Variants in COL25A1 observed in about 807,000 individuals in gnomAD.
COL25A1 encodes the protein collagen type XXV alpha 1 chain.
In COL25A1, 103 loss-of-function variants were observed where a neutral mutation model predicts 128.4. That is an observed-to-expected ratio of 0.80 (90% CI 0.68 to 0.94). COL25A1 has a LOEUF of 0.94. Ranked by LOEUF, COL25A1 falls within the 40% of genes least tolerant of loss-of-function variation. The pLI is 0.00. For synonymous variants in COL25A1, 279 were observed against 277.2 expected (o/e 1.01, Z -0.06); for missense variants, 745 against 840.0 (o/e 0.89, Z 1.40).
At chr4:109,112,860 GAA>G (rs1443391835) in intron 3 of COL25A1, among the ~76,000 whole-genome samples, 15 of 152,054 alleles carry the variant, frequency 9.9e-5, no homozygotes. Context: ...TGCCAAGAAT[GAA>G]AAAGTCTGTT....
rs72897029 is a variant in COL25A1 at position 108,857,926 on chromosome 4, A to G, written c.1320+1730T>C. Among the ~76,000 whole-genome samples the G allele has an allele frequency of 9.3e-3, 1,409 of 152,280 alleles. 23 individuals are homozygous for G. Among genetic ancestry groups the G allele is most frequent in the African/African-American group, 0.032 (1,350 of 41,566 alleles). ...GTTTGATTTTAAATAGTAAACCACT[A>G]GAACCCCACCACTAATGTTTAAAAG... On this transcript the variant is annotated intron_variant, in intron 24 of 37. Coordinates refer to ENST00000399132, the MANE Select transcript of COL25A1 (RefSeq NM_198721.4).
chr4:108,911,879 A>G (rs569008373), intron 13 of COL25A1, among the ~76,000 whole-genome samples: 1 of 149,370 alleles, frequency 6.7e-6, no homozygotes, highest in East Asian at 1.9e-4. Context: ...AGCAATCCCA[A>G]TCGTTCAACT....
intron 3 of COL25A1, among the ~76,000 whole-genome samples, chr4:109,284,113 C>A (rs1723638112): frequency 6.6e-6 from 1 of 152,176 alleles, no homozygotes; most frequent in Admixed American, 6.5e-5. Flanking sequence ...TTCTTCCTTA[C>A]AACATTTGTT....
At chr4:108,911,733 G>A (rs1744244879) in intron 13 of COL25A1, among the ~76,000 whole-genome samples, 1 of 147,822 alleles carries the variant, frequency 6.8e-6, no homozygotes, top group East Asian at 2.0e-4. Flanking sequence ...AATGCAGTGT[G>A]TTTTACATTA....
intron 3 of COL25A1, among the ~76,000 whole-genome samples, chr4:109,274,144 A>G (rs536900397): frequency 1.2e-4 from 18 of 152,306 alleles, no homozygotes; most frequent in Admixed American, 1.3e-4. Context: ...ACATTGCATC[A>G]TTTTGAATTT....
chr4:109,173,874 G>A (rs887162890), intron 3 of COL25A1, among the ~76,000 whole-genome samples: 11 of 151,416 alleles, frequency 7.3e-5, no homozygotes, highest in Non-Finnish European at 1.2e-4. Context: ...TATACTTACC[G>A]GTTAAGCATC....
chr4:108,857,568 T>G (rs551833528), intron 24 of COL25A1, among the ~76,000 whole-genome samples: 1 of 139,296 alleles, frequency 7.2e-6, no homozygotes, highest in South Asian at 2.5e-4. Context: ...AAAATAGATT[T>G]AAAAAAAAAA....
At chr4:109,109,100 T>C (rs1187632733) in intron 3 of COL25A1, among the ~76,000 whole-genome samples, 2 of 152,036 alleles carry the variant, frequency 1.3e-5, no homozygotes, top group Non-Finnish European at 2.9e-5. Context: ...TTTTCCCTTC[T>C]TTCTTTCTTT....
At chr4:108,975,636 T>C (rs1006053620) in intron 6 of COL25A1, among the ~76,000 whole-genome samples, 2 of 152,220 alleles carry the variant, frequency 1.3e-5, no homozygotes, top group African/African-American at 4.8e-5. Context: ...ATCAGCGATG[T>C]ATAGAATTTC....
At chr4:108,880,265 C>T (rs1481453314) in intron 19 of COL25A1, among the ~76,000 whole-genome samples, 2 of 152,204 alleles carry the variant, frequency 1.3e-5, no homozygotes, top group Non-Finnish European at 2.9e-5. Context: ...CCCCATAACA[C>T]TGTGGTTCTT....
At chr4:109,117,375 G>A (rs903904464) in intron 3 of COL25A1, among the ~76,000 whole-genome samples, 1 of 151,910 alleles carries the variant, frequency 6.6e-6, no homozygotes. Context: ...AGTGTTGAGG[G>A]AAAAAGGACC....
At chr4:108,964,586 G>A (rs1405439117) in intron 8 of COL25A1, among the ~76,000 whole-genome samples, 3 of 151,812 alleles carry the variant, frequency 2.0e-5, no homozygotes, top group Non-Finnish European at 2.9e-5. Context: ...TATTTGATGA[G>A]CCCAGCCATT....
chr4:108,810,792 T>A lies in COL25A1; in HGVS notation c.*3135A>T, dbSNP rs1295650287. 6.6e-6 allele frequency: 1 copy of A among 152,042 alleles called. No homozygotes were observed. Among genetic ancestry groups the A allele is most frequent in the African/African-American group, 2.4e-5 (1 of 41,452 alleles). The allele number at this position is 152,042 out of a possible 1,614,324, so 9.4% of individuals were successfully genotyped here. On this transcript the variant is annotated 3_prime_UTR_variant, in exon 38 of 38. Coordinates refer to ENST00000399132, the MANE Select transcript of COL25A1 (RefSeq NM_198721.4). ...TTAAGAAAGCCTGGTCATTGGACCA[T>A]AATTATAGCAAATTCATGAACTTTA...
intron 3 of COL25A1, among the ~76,000 whole-genome samples, chr4:109,235,661 A>G (rs1779423389): frequency 6.6e-6 from 1 of 152,114 alleles, no homozygotes; most frequent in South Asian, 2.1e-4. Flanking sequence ...ATGAGCAGAT[A>G]CTTCTGTGGC....
intron 3 of COL25A1, among the ~76,000 whole-genome samples, chr4:109,225,416 T>C (rs1279689430): frequency 6.6e-6 from 1 of 152,084 alleles, no homozygotes; most frequent in Non-Finnish European, 1.5e-5. Flanking sequence ...ACCATCTTAC[T>C]CCAGTCAGAA....
intron 6 of COL25A1, among the ~76,000 whole-genome samples, chr4:109,006,795 G>T (rs1756054600): frequency 6.6e-6 from 1 of 152,068 alleles, no homozygotes; most frequent in African/African-American, 2.4e-5. Context: ...GTGGTTGAAA[G>T]CCTATTTAAG....
At chr4:109,079,452 T>G (rs930586061) in intron 3 of COL25A1, among the ~76,000 whole-genome samples, 1 of 152,200 alleles carries the variant, frequency 6.6e-6, no homozygotes, top group Admixed American at 6.5e-5. Flanking sequence ...TGTTGTCATT[T>G]TATGGGCTAG....
At position 108,836,556 on chromosome 4, in the gene COL25A1, G is replaced by A. The variant is rs1056703144; in HGVS notation, c.1657-4123C>T. On this transcript the variant is annotated intron_variant, in intron 31 of 37. Coordinates refer to ENST00000399132, the MANE Select transcript of COL25A1 (RefSeq NM_198721.4). Reference sequence around the variant, plus strand: ...TATAAAATATTTTTAAAAATAAAGCGCTTGAGCCCAGGACTTTGAAGCTGC... The same window carrying A: ...TATAAAATATTTTTAAAAATAAAGCACTTGAGCCCAGGACTTTGAAGCTGC... Among the ~76,000 whole-genome samples the A allele has an allele frequency of 3.3e-5, 5 of 152,174 alleles. No homozygotes were observed. The East Asian group carries it at 5.8e-4, about 18-fold the overall frequency.
intron 3 of COL25A1, among the ~76,000 whole-genome samples, chr4:109,289,888 GT>G (rs1157796506): frequency 7.9e-6 from 1 of 126,882 alleles, no homozygotes; most frequent in South Asian, 2.2e-4. Flanking sequence ...TTTACTCTTG[GT>G]TTTTTAGGAA....
Sources: gnomAD v4.1 joint callset for allele counts (sites outside exome capture counted in the v4.1 genomes callset) on GRCh38, gnomAD v4.1.1 for gene constraint, MANE v1.5 for transcripts, NCBI Gene and HGNC (gene_info 2026-07-23, HGNC 2026-07-21) for gene names.